ZNF710: variants seen among roughly 807,000 people sequenced by gnomAD.
ZNF710 encodes the protein zinc finger protein 710.
ZNF710 carries 13 observed loss-of-function variants against 50.6 expected under a neutral mutation model. The ratio of observed to expected loss-of-function variants is 0.26; its 90% CI spans 0.17 to 0.41. The LOEUF (loss-of-function observed/expected upper bound fraction) is 0.41, where lower values mean the gene tolerates loss of function less well. Ranked by LOEUF, ZNF710 falls within the 10% of genes least tolerant of loss-of-function variation. The probability of loss-of-function intolerance (pLI) is 1.00; values close to 1 mark genes in which losing one functional copy is unlikely to be tolerated. For synonymous variants in ZNF710, 383 were observed against 397.0 expected (o/e 0.96, Z 0.42); for missense variants, 721 against 936.6 (o/e 0.77, Z 3.01).
rs766798680 is a variant in ZNF710 at position 90,068,472 on chromosome 15, C to T, written c.1335C>T (p.His445=). 12 of 1,614,142 alleles carry T rather than the reference C, an allele frequency of 7.4e-6. No homozygotes were observed. The highest frequency in any genetic ancestry group is 3.3e-5 in the Admixed American group (2 of 60,034). The change falls in exon 2 of 5, where the codon CAC becomes CAT. Residue 445 remains histidine, a synonymous_variant. Transcript: ENST00000268154. The surrounding 1 kb of genome is among the most constrained non-coding windows in gnomAD (Gnocchi z 5.0). Reference sequence around the variant, plus strand: ...GCCTCGAGTGTGACAAGTCCTTCCACTACCGCAGCCAGTTGCAGAACCACA... The same window carrying T: ...GCCTCGAGTGTGACAAGTCCTTCCATTACCGCAGCCAGTTGCAGAACCACA... ...YQCLECDKSF[H]YRSQLQNHML...
chr15:90,065,625 C>T (rs148306766), intron 1 of ZNF710, among the ~76,000 whole-genome samples: 2 of 152,294 alleles, frequency 1.3e-5, no homozygotes, highest in East Asian at 1.9e-4. Flanking sequence ...GTGAAAAGAC[C>T]GGGCTCCACA....
chr15:90,008,780 A>AG (rs1898222512), intron 1 of ZNF710, among the ~76,000 whole-genome samples: 1 of 151,740 alleles, frequency 6.6e-6, no homozygotes, highest in African/African-American at 2.4e-5. Context: ...AAAAAAAAAA[A>AG]GAAAAGAAGT....
At chr15:90,051,004 C>G (rs1419683026) in intron 1 of ZNF710, among the ~76,000 whole-genome samples, 1 of 150,174 alleles carries the variant, frequency 6.7e-6, no homozygotes, top group Non-Finnish European at 1.5e-5. Context: ...TTTGGGAGGC[C>G]GAGGTGGGCG....
At chr15:90,048,414 G>A (rs1219142711) in intron 1 of ZNF710, among the ~76,000 whole-genome samples, 2 of 152,252 alleles carry the variant, frequency 1.3e-5, no homozygotes, top group Non-Finnish European at 2.9e-5. Context: ...GAGCCAGGAC[G>A]AAGCCCTGGC....
chr15:90,012,768 GT>G, intron 1 of ZNF710, among the ~76,000 whole-genome samples: 1 of 152,002 alleles, frequency 6.6e-6, no homozygotes, highest in Non-Finnish European at 1.5e-5. Context: ...TATCTAATGT[GT>G]TTTACTCCAT....
Position 90,034,213 on chromosome 15 carries a change from A to AAAAGAAAAG in ZNF710, c.-29+32603_-29+32611dup, listed in dbSNP as rs1899037495. Among the ~76,000 whole-genome samples, 1 of 149,892 alleles carries AAAAGAAAAG rather than the reference A, an allele frequency of 6.7e-6. No individual in the cohort carries two copies. Among genetic ancestry groups the AAAAGAAAAG allele is most frequent in the African/African-American group, 2.5e-5 (1 of 39,512 alleles). ...ACTCTGTCTCAAAAAAAAAGAAAAG[A>AAAAGAAAAG]AAAGAAAAGAAAAGAAAACAGGTGA... On this transcript the variant is annotated intron_variant, in intron 1 of 4. Transcript: ENST00000268154. This position sits in a 1 kb window ranked among gnomAD's most constrained non-coding sequence, Gnocchi z 4.0.
intron 1 of ZNF710, among the ~76,000 whole-genome samples, chr15:90,023,740 G>A (rs1898690730): frequency 6.6e-6 from 1 of 152,180 alleles, no homozygotes; most frequent in Non-Finnish European, 1.5e-5. Context: ...GCTCACACCT[G>A]TAATCCCAGC....
chr15:90,036,374 C>T (rs1318497913), intron 1 of ZNF710, among the ~76,000 whole-genome samples: 1 of 152,120 alleles, frequency 6.6e-6, no homozygotes, highest in Non-Finnish European at 1.5e-5. Flanking sequence ...CTTTGAATGA[C>T]ACCAGGCGAG....
intron 2 of ZNF710, among the ~76,000 whole-genome samples, chr15:90,069,337 G>A (rs1900298676): frequency 6.6e-6 from 1 of 152,032 alleles, no homozygotes; most frequent in African/African-American, 2.4e-5. Context: ...GAGCCTGAGA[G>A]GCTGAGGTTG....
At position 90,067,032 on chromosome 15, in the gene ZNF710, C is replaced by T; in HGVS notation, c.-28-78C>T. 4.1e-6 allele frequency: 6 copies of T among 1,459,484 alleles called. No individual in the cohort carries two copies. The Admixed American group carries it at 1.5e-4, about 36-fold the overall frequency. The allele number at this position is 1,459,484 out of a possible 1,614,324, so 90.4% of individuals were successfully genotyped here. A position where few individuals can be genotyped will look rare whatever the true frequency, so the allele number is the denominator to read the frequency against. ...CCAGACACACCCAAAATCAGCCAAG[C>T]CCTTGTCTGTGCTGTGTCTGTTGTC... On this transcript the variant is annotated intron_variant, in intron 1 of 4. Coordinates refer to ENST00000268154, the MANE Select transcript of ZNF710 (RefSeq NM_198526.4). This position sits in a 1 kb window ranked among gnomAD's most constrained non-coding sequence, Gnocchi z 8.1.
intron 1 of ZNF710, among the ~76,000 whole-genome samples, chr15:90,035,965 C>CTTGTG (rs1899110939): frequency 1.3e-5 from 2 of 152,194 alleles, no homozygotes. Flanking sequence ...TCAGCGTTTC[C>CTTGTG]CAGCCTTGTG....
At chr15:90,070,568 A>G (rs1900344690) in intron 2 of ZNF710, among the ~76,000 whole-genome samples, 1 of 151,750 alleles carries the variant, frequency 6.6e-6, no homozygotes, top group South Asian at 2.1e-4. Flanking sequence ...CCCAGCTTGA[A>G]CCCAGGAGGC....
chr15:90,055,606 A>G (rs753747680), intron 1 of ZNF710, among the ~76,000 whole-genome samples: 9 of 152,198 alleles, frequency 5.9e-5, no homozygotes, highest in Admixed American at 1.3e-4. Context: ...TTGACTGACT[A>G]TTAGCATGCT....
chr15:90,020,281 C>A (rs1449121035), intron 1 of ZNF710, among the ~76,000 whole-genome samples: 1 of 152,220 alleles, frequency 6.6e-6, no homozygotes, highest in East Asian at 1.9e-4. Flanking sequence ...TTCTCTCCTG[C>A]CGGGACCTAG....
At chr15:90,001,313 G>A (rs1216960152), upstream of ZNF710, 2 of 152,206 alleles carry the variant, frequency 1.3e-5, no homozygotes, top group African/African-American at 4.8e-5. Flanking sequence ...CTGCTTTTCT[G>A]TCTCTCTCTT....
intron 4 of ZNF710, chr15:90,075,753 T>C (rs1900572009): frequency 6.6e-6 from 1 of 152,214 alleles, no homozygotes; most frequent in Non-Finnish European, 1.5e-5. Flanking sequence ...GTTTTTCAGT[T>C]GTCTATTAAG....
In ZNF710 at chr15:90,079,666, T is replaced by C. The variant is rs1270322140; in HGVS notation, c.1832T>C (p.Met611Thr). 1.2e-6 allele frequency: 2 copies of C among 1,612,798 alleles called. No individual in the cohort carries two copies. Among genetic ancestry groups the C allele is most frequent in the Non-Finnish European group, 1.7e-6 (2 of 1,179,564 alleles). ...MDIGLDSQDP[M>T]MELTGTDPSE... The stretch of plus-strand genomic sequence containing the variant: ...CTGTGCCCCTCTCTTACAGACCCCA[T>C]GATGGAGCTGACAGGCACTGACCCT... The change falls in exon 5 of 5, where the codon ATG becomes ACG. Residue 611 changes from methionine to threonine, a missense_variant. Physicochemically the swap from Met to Thr is moderately conservative, Grantham distance 81. Around this residue, in one of 3 missense-constraint regions of ZNF710, gnomAD observed 326 missense variants for 522.0 expected, o/e 0.62. Coordinates refer to ENST00000268154, the MANE Select transcript of ZNF710 (RefSeq NM_198526.4).
rs1899271693 is a variant in ZNF710 at position 90,040,750 on chromosome 15, T to C, written c.-28-26360T>C. Among the ~76,000 whole-genome samples, 1 of 152,236 alleles carries C rather than the reference T, an allele frequency of 6.6e-6. No individual in the cohort carries two copies. The highest frequency in any genetic ancestry group is 6.5e-5 in the Admixed American group (1 of 15,288). On this transcript the variant is annotated intron_variant, in intron 1 of 4. Transcript: ENST00000268154. The surrounding 1 kb of genome is among the most constrained non-coding windows in gnomAD (Gnocchi z 4.6). Reference sequence around the variant, plus strand: ...TCCAGCCAGTTAACCATTTGCAAACTGCTTACTTCCTCCTTCCTGTTATTT... The same window carrying C: ...TCCAGCCAGTTAACCATTTGCAAACCGCTTACTTCCTCCTTCCTGTTATTT...
At chr15:90,074,538 T>C (rs1900526390) in intron 4 of ZNF710, 8 of 1,446,910 alleles carry the variant, frequency 5.5e-6, no homozygotes, top group Non-Finnish European at 7.3e-6. Flanking sequence ...TAACATTTAT[T>C]GAGTGCTAAC....
Sources: gnomAD v4.1 joint callset for allele counts (sites outside exome capture counted in the v4.1 genomes callset) on GRCh38, gnomAD v4.1.1 for gene constraint, gnomAD v4.1.1 regional missense constraint, Gnocchi (gnomAD v3.1) non-coding constraint, MANE v1.5 for transcripts, NCBI Gene and HGNC (gene_info 2026-07-23, HGNC 2026-07-21) for gene names.